Variants in SCYL2 observed in about 807,000 individuals in gnomAD.
The protein encoded by SCYL2 is SCY1-like protein 2.
SCYL2 carries 36 observed loss-of-function variants against 100.4 expected under a neutral mutation model. The ratio of observed to expected loss-of-function variants is 0.36; its 90% CI spans 0.27 to 0.47. The LOEUF is 0.47. Ranked by LOEUF, SCYL2 falls within the 20% of genes least tolerant of loss-of-function variation. The pLI is 1.00. For synonymous variants in SCYL2, 330 were observed against 359.2 expected (o/e 0.92, Z 0.92); for missense variants, 902 against 1,083.9 (o/e 0.83, Z 2.36).
chr12:100,267,959 AC>A (rs2096281248), intron 1 of SCYL2, among the ~76,000 whole-genome samples, 167 bp downstream of exon 1: 1 of 152,192 alleles, frequency 6.6e-6, no homozygotes, highest in African/African-American at 2.4e-5. Context: ...AAAAAACCCC[AC>A]GGTTACTCCT....
chr12:100,319,171 T>C (rs1482753437), intron 10 of SCYL2: 1 of 454,486 alleles, frequency 2.2e-6, no homozygotes, highest in Non-Finnish European at 4.4e-6. Flanking sequence ...CTAAGTTATT[T>C]CGTTTGTTCA....
At chr12:100,338,502 T>C (rs761221741) in intron 17 of SCYL2, 26 bp from the exon 18 acceptor site, 1 of 1,479,142 alleles carries the variant, frequency 6.8e-7, no homozygotes, top group Non-Finnish European at 9.2e-7. Context: ...TTCTTAGAGA[T>C]AAAGTAATTC....
chr12:100,300,222 T>C (rs1682146097), intron 4 of SCYL2, among the ~76,000 whole-genome samples: 1 of 152,228 alleles, frequency 6.6e-6, no homozygotes, highest in African/African-American at 2.4e-5. Flanking sequence ...TCTTATTGAC[T>C]TACGTGTGGA....
chr12:100,285,899 CTTTA>C (rs1398751161), intron 2 of SCYL2, among the ~76,000 whole-genome samples: 1 of 151,976 alleles, frequency 6.6e-6, no homozygotes, highest in African/African-American at 2.4e-5. Flanking sequence ...TTAAGTTATA[CTTTA>C]TTTAAACTAG....
At chr12:100,331,512 G>A (rs61940548) in intron 13 of SCYL2, among the ~76,000 whole-genome samples, 2 of 152,088 alleles carry the variant, frequency 1.3e-5, no homozygotes, top group Admixed American at 6.5e-5. Context: ...GGGAGCTGAG[G>A]TAGGAGGATT....
chr12:100,306,163 A>G (rs974148274), intron 4 of SCYL2, among the ~76,000 whole-genome samples: 50 of 152,182 alleles, frequency 3.3e-4, no homozygotes, highest in Non-Finnish European at 2.4e-4. Context: ...TGAGGCCACC[A>G]TCATCCTGAT....
rs138273451 is a variant in SCYL2 at position 100,326,724 on chromosome 12, A to C, written c.1612A>C (p.Lys538Gln). The change falls in exon 12 of 18, where the codon AAG becomes CAG. Residue 538 changes from lysine to glutamine, a missense_variant. Coordinates refer to ENST00000360820, the MANE Select transcript of SCYL2 (RefSeq NM_017988.6). ...ILPFLQQIPSKEPAVLMGILG... is the reference protein window; with the variant it reads ...ILPFLQQIPSQEPAVLMGILG... ...ACCCTTCTTACAACAAATTCCATCC[A>C]AGGAACCTGCGGTCCTCATGGGAAT... 8.7e-6 allele frequency: 14 copies of C among 1,611,462 alleles called. No individual in the cohort carries two copies. In the African/African-American group the frequency reaches 1.9e-4, roughly 22 times the overall value.
At chr12:100,300,316 A>G (rs553746654) in intron 4 of SCYL2, among the ~76,000 whole-genome samples, 47 of 152,296 alleles carry the variant, frequency 3.1e-4, no homozygotes, top group African/African-American at 9.1e-4. Context: ...TTTTTTAAAG[A>G]ATTGTGGCAA....
chr12:100,326,755 G>A lies in SCYL2; in HGVS notation c.1642+1G>A, dbSNP rs2096362329. 1 of 1,602,554 alleles carries A rather than the reference G, an allele frequency of 6.2e-7. No homozygotes were observed. The highest frequency in any genetic ancestry group is 8.5e-7 in the Non-Finnish European group (1 of 1,177,086). On this transcript the variant is annotated splice_donor_variant, in intron 12 of 17. Coordinates refer to ENST00000360820, the MANE Select transcript of SCYL2 (RefSeq NM_017988.6). LOFTEE classifies it high-confidence loss of function. ...CCTGCGGTCCTCATGGGAATTTTAG[G>A]TAGCTGAAAATTTAATGTCATTTGA...
chr12:100,294,539 C>T (rs2096315697), intron 3 of SCYL2, among the ~76,000 whole-genome samples: 1 of 134,502 alleles, frequency 7.4e-6, no homozygotes, highest in Non-Finnish European at 1.6e-5. Context: ...TCCCCCACCT[C>T]CCTCCCAGAC....
intron 2 of SCYL2, among the ~76,000 whole-genome samples, chr12:100,286,952 TAATATA>T (rs1488049090): frequency 1.3e-5 from 2 of 152,154 alleles, no homozygotes; most frequent in Non-Finnish European, 2.9e-5. Flanking sequence ...ATTTTTAACT[TAATATA>T]AATAAAAGTT....
Position 100,326,667 on chromosome 12 carries a change from T to C in SCYL2, c.1555T>C (p.Leu519=), listed in dbSNP as rs745634885. Residue 519 remains leucine, a synonymous_variant, in exon 12 of 18, where the codon TTG becomes CTG. Coordinates refer to ENST00000360820, the MANE Select transcript of SCYL2 (RefSeq NM_017988.6). The part of the protein sequence containing the change: ...LVCLGKILEY[L]DKWFVLDDIL... ...GTGCTTAGGAAAGATTTTGGAATAC[T>C]TGGATAAGTGGTTTGTACTTGATGA... is the stretch of plus-strand genomic sequence containing the variant. 6.2e-7 allele frequency: 1 copy of C among 1,608,166 alleles called. No homozygotes were observed. Among genetic ancestry groups the C allele is most frequent in the Non-Finnish European group, 8.5e-7 (1 of 1,177,954 alleles).
chr12:100,307,106 G>T (rs931337831), intron 4 of SCYL2, among the ~76,000 whole-genome samples: 3 of 152,130 alleles, frequency 2.0e-5, no homozygotes, highest in African/African-American at 7.2e-5. Flanking sequence ...TCCCCATCAA[G>T]CTACCACTGA....
intron 16 of SCYL2, 83 bp from the exon 17 acceptor site, chr12:100,337,304 A>G: frequency 6.4e-7 from 1 of 1,555,026 alleles, no homozygotes; most frequent in Admixed American, 2.1e-5. Context: ...AGTAAGATGT[A>G]CTTTACCCGA....
intron 3 of SCYL2, among the ~76,000 whole-genome samples, chr12:100,295,023 T>G (rs1592941090): frequency 7.3e-6 from 1 of 136,240 alleles, no homozygotes; most frequent in African/African-American, 2.8e-5. Flanking sequence ...CCAGACGGGG[T>G]CGCGGCCGGG....
At chr12:100,332,283 CT>C (rs780494398) in intron 13 of SCYL2, among the ~76,000 whole-genome samples, 8 of 152,160 alleles carry the variant, frequency 5.3e-5, no homozygotes, top group Non-Finnish European at 1.0e-4. Context: ...AAATTCCAAA[CT>C]CCCAGAAGGA....
chr12:100,283,752 G>A (rs1325071307), intron 2 of SCYL2, among the ~76,000 whole-genome samples: 1 of 152,176 alleles, frequency 6.6e-6, no homozygotes, highest in East Asian at 1.9e-4. Flanking sequence ...TCCGAAGTTA[G>A]CTTATTTCCC....
chr12:100,294,286 C>A (rs1345251232), intron 3 of SCYL2, among the ~76,000 whole-genome samples: 1 of 111,030 alleles, frequency 9.0e-6, no homozygotes, highest in African/African-American at 3.5e-5. Flanking sequence ...CCGGACGGGG[C>A]GGCTGGCCGG....
chr12:100,291,746 G>T, intron 3 of SCYL2, 86 bp downstream of exon 3: 2 of 1,327,620 alleles, frequency 1.5e-6, no homozygotes, highest in Non-Finnish European at 2.0e-6. Flanking sequence ...TTCAAGTATT[G>T]TCAGTGAAAA....
Sources: gnomAD v4.1 joint callset for allele counts (sites outside exome capture counted in the v4.1 genomes callset) on GRCh38, gnomAD v4.1.1 for gene constraint, MANE v1.5 for transcripts, NCBI Gene and HGNC (gene_info 2026-07-23, HGNC 2026-07-21) for gene names.